NXPE2: variants seen among roughly 807,000 people sequenced by gnomAD.
NXPE2 encodes the protein NXPE family member 2.
Under a neutral mutation model 34.4 loss-of-function variants are expected in NXPE2, and 34 were observed. The ratio of observed to expected loss-of-function variants is 0.99; its 90% CI spans 0.75 to 1.31. NXPE2 has a LOEUF of 1.31. Ranked by LOEUF, NXPE2 falls within the 40% of genes most tolerant of loss-of-function variation. The pLI, the probability that NXPE2 is intolerant of heterozygous loss-of-function variation, is 0.00. For synonymous variants in NXPE2, 235 were observed against 231.3 expected (o/e 1.02, Z -0.15); for missense variants, 649 against 672.5 (o/e 0.97, Z 0.39).
chr11:114,692,601 A>G (rs1325691319), intron 2 of NXPE2, among the ~76,000 whole-genome samples: 1 of 152,212 alleles, frequency 6.6e-6, no homozygotes, highest in East Asian at 1.9e-4. Context: ...ATTAAAGCCT[A>G]TTTCAGAGCT....
the NXPE2 span, among the ~76,000 whole-genome samples, chr11:114,749,644 A>T: frequency 6.6e-6 from 1 of 152,156 alleles, no homozygotes; most frequent in Non-Finnish European, 1.5e-5. Flanking sequence ...TTCTCTGACA[A>T]TGACAAAACT....
chr11:114,488,533 T>C, the NXPE2 span, among the ~76,000 whole-genome samples: 1 of 152,150 alleles, frequency 6.6e-6, no homozygotes, highest in South Asian at 2.1e-4. Flanking sequence ...GCAATCAAAC[T>C]AGAACTCAGG....
At chr11:114,606,726 A>T in the NXPE2 span, among the ~76,000 whole-genome samples, 1 of 151,920 alleles carries the variant, frequency 6.6e-6, no homozygotes, top group Admixed American at 6.6e-5. Context: ...CTCATGGGTA[A>T]CCACTGCTAC....
the NXPE2 span, among the ~76,000 whole-genome samples, chr11:114,714,989 C>A: frequency 1.3e-5 from 2 of 152,154 alleles, no homozygotes; most frequent in Non-Finnish European, 2.9e-5. Flanking sequence ...CCACTGCACT[C>A]CAGCCTGGGC....
chr11:114,763,956 C>T, the NXPE2 span, among the ~76,000 whole-genome samples: 1 of 152,062 alleles, frequency 6.6e-6, no homozygotes, highest in African/African-American at 2.4e-5. Flanking sequence ...TGATGCTATG[C>T]ACCATTCATC....
the NXPE2 span, among the ~76,000 whole-genome samples, chr11:114,478,725 A>G: frequency 1.3e-5 from 2 of 152,190 alleles, no homozygotes; most frequent in Non-Finnish European, 2.9e-5. Flanking sequence ...TTTATTCACT[A>G]TCTCAACAAA....
chr11:114,498,231 A>G, the NXPE2 span, among the ~76,000 whole-genome samples: 20 of 152,174 alleles, frequency 1.3e-4, no homozygotes, highest in African/African-American at 4.8e-4. Context: ...GAGAAGAATC[A>G]CTTGAAAATA....
At chr11:114,546,597 T>G in the NXPE2 span, among the ~76,000 whole-genome samples, 1 of 151,942 alleles carries the variant, frequency 6.6e-6, no homozygotes. Flanking sequence ...GCACCATGCC[T>G]GGCCAATATT....
At chr11:114,578,697 C>T in the NXPE2 span, among the ~76,000 whole-genome samples, 1 of 152,136 alleles carries the variant, frequency 6.6e-6, no homozygotes, top group Admixed American at 6.5e-5. Context: ...TGATGAGAGC[C>T]AGGATCCGGG....
chr11:114,505,635 T>C, the NXPE2 span, among the ~76,000 whole-genome samples: 1 of 152,074 alleles, frequency 6.6e-6, no homozygotes, highest in African/African-American at 2.4e-5. Context: ...CTAAGCTTCA[T>C]AAGTAAAGGA....
At chr11:114,671,363 A>G in the NXPE2 span, among the ~76,000 whole-genome samples, 7 of 152,008 alleles carry the variant, frequency 4.6e-5, no homozygotes, top group Non-Finnish European at 5.9e-5. Flanking sequence ...AGAAAGGACC[A>G]GAAAACAATG....
At chr11:114,730,535 A>G in the NXPE2 span, among the ~76,000 whole-genome samples, 1 of 152,178 alleles carries the variant, frequency 6.6e-6, no homozygotes, top group Non-Finnish European at 1.5e-5. Context: ...ATCCATGAGC[A>G]TGGACTGTTT....
chr11:114,667,892 A>T, the NXPE2 span, among the ~76,000 whole-genome samples: 1 of 152,074 alleles, frequency 6.6e-6, no homozygotes, highest in Non-Finnish European at 1.5e-5. Flanking sequence ...TGCACAAACT[A>T]TGAGATAATA....
At chr11:114,534,009 A>G in the NXPE2 span, among the ~76,000 whole-genome samples, 2 of 152,118 alleles carry the variant, frequency 1.3e-5, no homozygotes, top group African/African-American at 4.8e-5. Context: ...CCTGACCCCC[A>G]AGTAGCCTAA....
At chr11:114,740,431 C>A in the NXPE2 span, among the ~76,000 whole-genome samples, 1 of 152,108 alleles carries the variant, frequency 6.6e-6, no homozygotes, top group Non-Finnish European at 1.5e-5. Context: ...CTTCGACATG[C>A]AAGTGCAAGT....
the NXPE2 span, among the ~76,000 whole-genome samples, chr11:114,476,933 A>G: frequency 6.6e-6 from 1 of 152,176 alleles, no homozygotes; most frequent in Admixed American, 6.5e-5. Context: ...AAAGCTATTA[A>G]GTTATATTAT....
At chr11:114,728,154 A>G in the NXPE2 span, among the ~76,000 whole-genome samples, 1 of 152,036 alleles carries the variant, frequency 6.6e-6, no homozygotes, top group African/African-American at 2.4e-5. Flanking sequence ...CACATCTCTC[A>G]CTATAAGCCT....
chr11:114,568,498 C>T, the NXPE2 span, among the ~76,000 whole-genome samples: 1 of 146,592 alleles, frequency 6.8e-6, no homozygotes, highest in South Asian at 2.4e-4. Flanking sequence ...CCCCTCTCTT[C>T]TTCACTCTCT....
chr11:114,754,618 AG>A, the NXPE2 span, among the ~76,000 whole-genome samples: 1 of 152,186 alleles, frequency 6.6e-6, no homozygotes, highest in Non-Finnish European at 1.5e-5. Context: ...GTGTTAGAGA[AG>A]GTCCCACTCA....
Sources: allele counts gnomAD v4.1 joint callset (sites outside exome capture counted in the v4.1 genomes callset), GRCh38; gene constraint gnomAD v4.1.1; transcripts MANE v1.5; gene names NCBI Gene and HGNC (gene_info 2026-07-23, HGNC 2026-07-21).